ANKRD11: variants seen among roughly 807,000 people sequenced by gnomAD.
The protein encoded by ANKRD11 is ankyrin repeat domain-containing protein 11.
In ANKRD11, 17 loss-of-function variants were observed where a neutral mutation model predicts 195.7. That is an observed-to-expected ratio of 0.09 (90% CI 0.06 to 0.13). The LOEUF is 0.13. Among genes scored for constraint, ANKRD11 ranks in the 10% least tolerant of loss-of-function variants. The pLI is 1.00. For missense variants in ANKRD11, 3,735 were observed against 3,566.1 expected (o/e 1.05, Z -1.21); for synonymous variants, 1,953 against 1,528.1 (o/e 1.28, Z -6.49).
intron 1 of ANKRD11, among the ~76,000 whole-genome samples, chr16:89,449,177 C>T (rs1265820677): frequency 2.0e-5 from 3 of 148,430 alleles, no homozygotes; most frequent in Non-Finnish European, 3.0e-5. Flanking sequence ...ACAGTGAAAC[C>T]CAGTCTCTAC....
chr16:89,465,912 G>A (rs1195733459), intron 1 of ANKRD11, among the ~76,000 whole-genome samples: 7 of 152,158 alleles, frequency 4.6e-5, no homozygotes, highest in East Asian at 1.9e-4. Flanking sequence ...GGGTTTCACC[G>A]TGTTAGCCAG....
chr16:89,386,275 C>CT (rs917553460), intron 2 of ANKRD11, among the ~76,000 whole-genome samples: 52 of 148,156 alleles, frequency 3.5e-4, no homozygotes, highest in African/African-American at 4.9e-4. Flanking sequence ...AAATCAGTCA[C>CT]TTTTTTTTTT....
chr16:89,339,355 G>GCAAACAAACAAA (rs113752085), intron 2 of ANKRD11, among the ~76,000 whole-genome samples: 1 of 152,024 alleles, frequency 6.6e-6, no homozygotes, highest in African/African-American at 2.4e-5. Context: ...GCTTACACTA[G>GCAAACAAACAAA]CAAACAAACA....
chr16:89,380,267 G>A (rs142092810), intron 2 of ANKRD11, among the ~76,000 whole-genome samples: 9 of 152,142 alleles, frequency 5.9e-5, no homozygotes, highest in Admixed American at 1.3e-4. Context: ...CATGTGCCAC[G>A]ACGCCTGGCT....
chr16:89,342,077 G>T (rs12596189), intron 2 of ANKRD11, among the ~76,000 whole-genome samples: 3 of 53,754 alleles, frequency 5.6e-5, no homozygotes, highest in Admixed American at 2.2e-4. Context: ...CACCTCCACC[G>T]CCCACAGCTC....
In ANKRD11 at chr16:89,409,850, A is replaced by C. The variant is rs552893572; in HGVS notation, c.-60+8434T>G. 2.0e-5 allele frequency among the ~76,000 whole-genome samples: 3 copies of C among 151,972 alleles called. No homozygotes were observed. In the South Asian group the frequency reaches 6.2e-4, roughly 32 times the overall value. On this transcript the variant is annotated intron_variant, in intron 2 of 12. Coordinates refer to ENST00000301030, the MANE Select transcript of ANKRD11 (RefSeq NM_013275.6). ...TCTAAATTTATTTATTTATTTATTT[A>C]TTTTTTGAGATGGGAGTCTCGCTCT...
chr16:89,272,489 G>A (rs2151686230), intron 11 of ANKRD11: 1 of 152,318 alleles, frequency 6.6e-6, no homozygotes, highest in African/African-American at 2.4e-5. Context: ...ATCACCTGAG[G>A]TCAAGAGTTT....
chr16:89,408,809 T>C (rs2152200051), intron 2 of ANKRD11, among the ~76,000 whole-genome samples: 1 of 152,272 alleles, frequency 6.6e-6, no homozygotes, highest in Non-Finnish European at 1.5e-5. Context: ...ACATTCCTCT[T>C]GTAATAAAAA....
intron 1 of ANKRD11, among the ~76,000 whole-genome samples, chr16:89,441,767 C>CAAAAAAAAAAAAAAAA (rs57747159): frequency 1.1e-4 from 6 of 52,354 alleles, no homozygotes; most frequent in Admixed American, 2.4e-4. Context: ...ACTCCGCCTA[C>CAAAAAAAAAAAAAAAA]AAAAAAAAAA....
intron 1 of ANKRD11, among the ~76,000 whole-genome samples, chr16:89,445,000 T>C (rs1353021205): frequency 1.3e-5 from 2 of 151,474 alleles, no homozygotes; most frequent in Non-Finnish European, 2.9e-5. Context: ...CTTGCAAACC[T>C]ACCACACAGA....
rs1347197321 is a variant in ANKRD11, at chr16:89,305,361, T to C, written c.88-17A>G. The C allele has an allele frequency of 6.2e-7, 1 of 1,613,898 alleles. No homozygotes were observed. Among genetic ancestry groups the C allele is most frequent in the East Asian group, 2.2e-5 (1 of 44,890 alleles). On this transcript the variant is annotated splice_polypyrimidine_tract_variant and intron_variant, in intron 3 of 12. Transcript: ENST00000301030. ...ATCTTTATCCTAGAAAAGAAAGGGATGCTTTCAGTCGTGATGTCCAAATTA... is the reference window on the plus strand; with the variant it reads ...ATCTTTATCCTAGAAAAGAAAGGGACGCTTTCAGTCGTGATGTCCAAATTA...
chr16:89,385,972 C>G (rs1451770074), intron 2 of ANKRD11, among the ~76,000 whole-genome samples: 1 of 152,234 alleles, frequency 6.6e-6, no homozygotes, highest in Non-Finnish European at 1.5e-5. Context: ...TCCAGAACTC[C>G]CTGGCTCAAG....
chr16:89,401,040 A>T (rs1438420949), intron 2 of ANKRD11, among the ~76,000 whole-genome samples: 1 of 152,104 alleles, frequency 6.6e-6, no homozygotes, highest in Non-Finnish European at 1.5e-5. Context: ...CAAATCCACA[A>T]CACGCTGGCC....
intron 4 of ANKRD11, among the ~76,000 whole-genome samples, chr16:89,296,355 G>GTTAAGCTGCA (rs1230932634): frequency 3.3e-5 from 5 of 152,102 alleles, no homozygotes; most frequent in Non-Finnish European, 5.9e-5. Flanking sequence ...CGAGGTGCCT[G>GTTAAGCTGCA]TTAAGCTGCA....
At chr16:89,324,662 T>C (rs765817075) in intron 2 of ANKRD11, 2 of 374,354 alleles carry the variant, frequency 5.3e-6, no homozygotes, top group East Asian at 1.5e-4. Flanking sequence ...CTTTCTTCCA[T>C]GCTGGATACT....
At chr16:89,431,387 T>C (rs2152270662) in intron 1 of ANKRD11, 1 of 153,138 alleles carries the variant, frequency 6.5e-6, no homozygotes, top group African/African-American at 2.4e-5. Flanking sequence ...GGCCACACCA[T>C]GATGATCACA....
intron 2 of ANKRD11, among the ~76,000 whole-genome samples, chr16:89,325,295 G>A (rs770459919): frequency 3.3e-5 from 5 of 151,952 alleles, no homozygotes; most frequent in Non-Finnish European, 7.4e-5. Flanking sequence ...AAAATTAGCC[G>A]GGCACTGTGG....
intron 2 of ANKRD11, among the ~76,000 whole-genome samples, chr16:89,406,207 C>A (rs2041900141): frequency 6.6e-6 from 1 of 151,726 alleles, no homozygotes; most frequent in Non-Finnish European, 1.5e-5. Context: ...AAAAACACAG[C>A]AAGGGGTTTG....
At chr16:89,277,942 C>G (rs2033799375) in intron 9 of ANKRD11, 1 of 159,106 alleles carries the variant, frequency 6.3e-6, no homozygotes. Context: ...CCCACAGAGC[C>G]AACGCGTGTG....
Sources: gnomAD v4.1 joint callset for allele counts (sites outside exome capture counted in the v4.1 genomes callset) on GRCh38, gnomAD v4.1.1 for gene constraint, MANE v1.5 for transcripts, NCBI Gene and HGNC (gene_info 2026-07-23, HGNC 2026-07-21) for gene names.